The following TMEM65 variants were observed in gnomAD, a reference collection of about 807,000 sequenced individuals.
TMEM65 encodes transmembrane protein 65.
In TMEM65, 22 loss-of-function variants were observed where a neutral mutation model predicts 25.4. That is an observed-to-expected ratio of 0.86 (90% CI 0.62 to 1.23). The LOEUF is 1.23. Among genes scored for constraint, TMEM65 ranks in the 50% most tolerant of loss-of-function variants. The pLI, the probability that TMEM65 is intolerant of heterozygous loss-of-function variation, is 0.00. For synonymous variants in TMEM65, 132 were observed against 126.2 expected, an observed-to-expected ratio of 1.05 and a Z score of -0.31; for missense variants, 262 against 308.2, an observed-to-expected ratio of 0.85 and a Z score of 1.12.
At chr8:124,325,734 G>T (rs1028921389) in intron 3 of TMEM65, among the ~76,000 whole-genome samples, 3 of 151,924 alleles carry the variant, frequency 2.0e-5, no homozygotes, top group Non-Finnish European at 4.4e-5. Context: ...ACCAAATAGT[G>T]AACTACAAAT....
At chr8:124,341,299 T>G (rs942269451) in intron 1 of TMEM65, among the ~76,000 whole-genome samples, 1 of 151,974 alleles carries the variant, frequency 6.6e-6, no homozygotes, top group African/African-American at 2.4e-5. Context: ...AGAAGAAAGT[T>G]GTAGGTTTGC....
At chr8:124,324,068 T>C (rs748239595) in intron 3 of TMEM65, among the ~76,000 whole-genome samples, 5 of 152,124 alleles carry the variant, frequency 3.3e-5, no homozygotes, top group Non-Finnish European at 7.4e-5. Context: ...AATTAAACTA[T>C]TCTAACAGAA....
intron 3 of TMEM65, among the ~76,000 whole-genome samples, chr8:124,326,896 T>C (rs1814371860): frequency 6.6e-6 from 1 of 151,980 alleles, no homozygotes; most frequent in South Asian, 2.1e-4. Flanking sequence ...CTTAATTGAA[T>C]TGAAACTTTA....
chr8:124,354,369 T>C (rs1408220972), intron 1 of TMEM65, among the ~76,000 whole-genome samples: 1 of 152,220 alleles, frequency 6.6e-6, no homozygotes, highest in Non-Finnish European at 1.5e-5. Context: ...ACCCATGTTA[T>C]ATTGTGGTTA....
intron 1 of TMEM65, among the ~76,000 whole-genome samples, chr8:124,370,300 C>T (rs1349402234): frequency 5.9e-5 from 9 of 152,122 alleles, no homozygotes; most frequent in South Asian, 4.1e-4. Context: ...GTTGACAATG[C>T]AGAATTTCCA....
In TMEM65 at chr8:124,372,660, G is replaced by C. The variant is rs1247649906; in HGVS notation, c.-503C>G. On this transcript the variant is annotated 5_prime_UTR_variant, in exon 1 of 7. Transcript: ENST00000297632. ...CTCAAAGCAGCCGCGCTCCCGAGCC[G>C]CAGCCGCCGCCGCCGCCGCTACCCC... 7.1e-6 allele frequency: 1 copy of C among 141,456 alleles called. No homozygotes were observed. The highest frequency in any genetic ancestry group is 1.4e-5 in the Non-Finnish European group (1 of 69,482). The allele number at this position is 141,456 out of a possible 1,614,324, so 8.8% of individuals were successfully genotyped here.
intron 1 of TMEM65, among the ~76,000 whole-genome samples, chr8:124,339,222 A>AAAAAAATAAAT (rs1563594368): frequency 5.0e-5 from 1 of 19,904 alleles, no homozygotes; most frequent in Admixed American, 9.1e-4. Flanking sequence ...AAAAAAAAAA[A>AAAAAAATAAAT]ATATATATAT....
At chr8:124,338,446 A>G (rs983214211) in intron 1 of TMEM65, among the ~76,000 whole-genome samples, 3 of 152,100 alleles carry the variant, frequency 2.0e-5, no homozygotes, top group African/African-American at 7.2e-5. Context: ...TGCAAAATTC[A>G]TCGCAGACAA....
chr8:124,348,147 A>G (rs1451265879), intron 1 of TMEM65, among the ~76,000 whole-genome samples: 1 of 152,126 alleles, frequency 6.6e-6, no homozygotes, highest in East Asian at 1.9e-4. Context: ...GGGTTTCTCC[A>G]TGTTGGTCAG....
At chr8:124,350,442 C>T (rs1310399809) in intron 1 of TMEM65, among the ~76,000 whole-genome samples, 3 of 145,666 alleles carry the variant, frequency 2.1e-5, no homozygotes, top group Non-Finnish European at 4.5e-5. Context: ...TCATAACATA[C>T]CCCTACACTC....
chr8:124,307,314 C>G lies in TMEM65; in HGVS notation c.*6646G>C, dbSNP rs915663166. 1.3e-5 allele frequency: 2 copies of G among 152,230 alleles called. No individual in the cohort carries two copies. Among genetic ancestry groups the G allele is most frequent in the East Asian group, 3.9e-4 (2 of 5,182 alleles). 9.4% of individuals were successfully genotyped at this position (152,230 alleles called of 1,614,324 possible). A position where few individuals can be genotyped will look rare whatever the true frequency, so the allele number is the denominator to read the frequency against. Reference sequence around the variant, plus strand: ...ATACCAAGGGACCCATATGAAGTCCCGCTAGTGACGCTGGAAGTGCTCCCA... The same window carrying G: ...ATACCAAGGGACCCATATGAAGTCCGGCTAGTGACGCTGGAAGTGCTCCCA... On this transcript the variant is annotated 3_prime_UTR_variant, in exon 7 of 7. Transcript: ENST00000297632.
chr8:124,367,664 T>G (rs1455718154), intron 1 of TMEM65, among the ~76,000 whole-genome samples: 10 of 152,230 alleles, frequency 6.6e-5, no homozygotes, highest in Non-Finnish European at 1.5e-5. Flanking sequence ...TCTTTCAGTC[T>G]TTCATTTTGT....
intron 1 of TMEM65, among the ~76,000 whole-genome samples, chr8:124,340,770 TATCATCAAGAATGGAAATTTAAGGCTGA>T (rs1275777017): frequency 6.6e-6 from 1 of 152,128 alleles, no homozygotes; most frequent in Non-Finnish European, 1.5e-5. Flanking sequence ...TTAACATTCT[TATCATCAAGAATGGAAATTTAAGGCTGA>T]GAAAAATGTG....
intron 4 of TMEM65, among the ~76,000 whole-genome samples, chr8:124,323,059 A>G (rs973003688): frequency 2.0e-5 from 3 of 152,118 alleles, no homozygotes; most frequent in African/African-American, 7.2e-5. Context: ...TAGGGGTAAC[A>G]CTGAATTGCC....
At chr8:124,338,064 C>T (rs752610085) in intron 1 of TMEM65, among the ~76,000 whole-genome samples, 21 of 151,676 alleles carry the variant, frequency 1.4e-4, no homozygotes, top group Non-Finnish European at 2.5e-4. Context: ...AAAGCATCCA[C>T]AGTTTATCAG....
rs550251910 is a variant in TMEM65, at chr8:124,365,469, T to C, written c.304+6385A>G. Among the ~76,000 whole-genome samples the C allele has an allele frequency of 1.2e-4, 18 of 152,340 alleles. 2 individuals are homozygous for C. In the South Asian group the frequency reaches 3.7e-3, roughly 32 times the overall value. On this transcript the variant is annotated intron_variant, in intron 1 of 6. Transcript: ENST00000297632. ...TGACCATTACATGCAGCAGAAATAATGTTCTGGAACTTCAAAAGCTAGGTC... is the reference window on the plus strand; with the variant it reads ...TGACCATTACATGCAGCAGAAATAACGTTCTGGAACTTCAAAAGCTAGGTC...
chr8:124,333,466 T>C (rs200438475), intron 1 of TMEM65, among the ~76,000 whole-genome samples: 11 of 83,228 alleles, frequency 1.3e-4, no homozygotes, highest in South Asian at 5.0e-4. Flanking sequence ...TGTGTGTGTG[T>C]GTGCGTGTGT....
Position 124,372,229 on chromosome 8 carries a change from A to T in TMEM65, c.-72T>A. On this transcript the variant is annotated 5_prime_UTR_variant, in exon 1 of 7. Transcript: ENST00000297632. Reference sequence around the variant, plus strand: ...TTCTGGCGCGGCTGAGGCGAGAAGGAGCTGGGCTCAGCTCGACCCCGCCCC... The same window carrying T: ...TTCTGGCGCGGCTGAGGCGAGAAGGTGCTGGGCTCAGCTCGACCCCGCCCC... 1 of 1,193,938 alleles carries T rather than the reference A, an allele frequency of 8.4e-7. No homozygotes were observed. Among genetic ancestry groups the T allele is most frequent in the South Asian group, 1.7e-5 (1 of 58,004 alleles). 74.0% of individuals were successfully genotyped at this position (1,193,938 alleles called of 1,614,324 possible).
chr8:124,361,731 C>A (rs1315797455), intron 1 of TMEM65, among the ~76,000 whole-genome samples: 2 of 145,270 alleles, frequency 1.4e-5, no homozygotes, highest in African/African-American at 5.1e-5. Context: ...AGCTACTCAG[C>A]AGGCTGAGGC....
Sources: allele counts gnomAD v4.1 joint callset (sites outside exome capture counted in the v4.1 genomes callset), GRCh38; gene constraint gnomAD v4.1.1; transcripts MANE v1.5; gene names NCBI Gene and HGNC (gene_info 2026-07-23, HGNC 2026-07-21).